The following ADGRE2 variants were observed in gnomAD, a reference collection of about 807,000 sequenced individuals.
ADGRE2 encodes the protein adhesion G protein-coupled receptor E2, also known as CD97 antigen.
In ADGRE2, 83 loss-of-function variants were observed where a neutral mutation model predicts 100.8. The ratio of observed to expected loss-of-function variants is 0.82; its 90% CI spans 0.69 to 0.99. ADGRE2 has a LOEUF of 0.99. Ranked by LOEUF, ADGRE2 falls within the 50% of genes least tolerant of loss-of-function variation. ADGRE2 has a pLI of 0.00. For synonymous variants in ADGRE2, 355 were observed against 413.0 expected (o/e 0.86, Z 1.70); for missense variants, 814 against 1,035.7 (o/e 0.79, Z 2.94).
At chr19:14,739,522 G>A (rs140466766) in intron 20 of ADGRE2, among the ~76,000 whole-genome samples, 3 of 152,194 alleles carry the variant, frequency 2.0e-5, no homozygotes, top group East Asian at 3.9e-4. Flanking sequence ...GGGGTGAAAG[G>A]GTGATAAATA....
chr19:14,773,098 A>AAAAAAAAAAAG (rs1568627146), intron 4 of ADGRE2, among the ~76,000 whole-genome samples: 8 of 84,128 alleles, frequency 9.5e-5, no homozygotes, highest in African/African-American at 2.8e-4. Context: ...AAAAAAAAAA[A>AAAAAAAAAAAG]CAAAAAAAAA....
intron 11 of ADGRE2, among the ~76,000 whole-genome samples, chr19:14,761,869 A>T (rs2043738216): frequency 6.6e-6 from 1 of 152,192 alleles, no homozygotes; most frequent in Non-Finnish European, 1.5e-5. Flanking sequence ...TGCCTCCTCA[A>T]GCCTGTCTAT....
rs1001001939 is a variant in ADGRE2 at position 14,732,671 on chromosome 19, T to A, written c.*3565A>T. On this transcript the variant is annotated 3_prime_UTR_variant, in exon 21 of 21. Coordinates refer to ENST00000315576, the MANE Select transcript of ADGRE2 (RefSeq NM_013447.4). Reference sequence around the variant, plus strand: ...AACAAATAAAAAGAAGAATGATATTTTGTGTCACATGACTGATATATGAAG... The same window carrying A: ...AACAAATAAAAAGAAGAATGATATTATGTGTCACATGACTGATATATGAAG... 6.6e-6 allele frequency: 1 copy of A among 152,222 alleles called. No individual in the cohort carries two copies. The highest frequency in any genetic ancestry group is 1.5e-5 in the Non-Finnish European group (1 of 68,038). 9.4% of individuals were successfully genotyped at this position (152,222 alleles called of 1,614,324 possible).
downstream of ADGRE2, among the ~76,000 whole-genome samples, chr19:14,727,740 A>G (rs2524359): frequency 0.33 from 49,948 of 151,680 alleles, 8,599 homozygotes; most frequent in Middle Eastern, 0.48. Flanking sequence ...GTGATTTACA[A>G]ACTTAAGAGT....
downstream of ADGRE2, among the ~76,000 whole-genome samples, chr19:14,728,367 C>T (rs1046043002): frequency 1.3e-5 from 2 of 152,188 alleles, no homozygotes; most frequent in Non-Finnish European, 2.9e-5. Context: ...GGTGTGATGA[C>T]AGTCTGTTTC....
intron 1 of ADGRE2, chr19:14,777,157 C>T (rs1442778104): frequency 3.1e-6 from 3 of 953,052 alleles, no homozygotes; most frequent in Admixed American, 6.2e-5. Context: ...GGCAGCCGGG[C>T]GGGGCGGTCT....
chr19:14,742,511 C>A (rs1444748380), intron 20 of ADGRE2, among the ~76,000 whole-genome samples: 2 of 152,190 alleles, frequency 1.3e-5, no homozygotes, highest in Admixed American at 6.5e-5. Flanking sequence ...GGATTACAGG[C>A]ATGAGCCACC....
chr19:14,765,631 T>C, intron 8 of ADGRE2, 27 bp downstream of exon 8: 1 of 1,614,210 alleles, frequency 6.2e-7, no homozygotes, highest in Non-Finnish European at 8.5e-7. Context: ...GTGCTGGGGG[T>C]GGGGAGCTTC....
Position 14,752,401 on chromosome 19 carries a change from A to T in ADGRE2, c.1716T>A (p.His572Gln). 6.2e-7 allele frequency: 1 copy of T among 1,614,154 alleles called. No homozygotes were observed. Among genetic ancestry groups the T allele is most frequent in the South Asian group, 1.1e-5 (1 of 91,082 alleles). ...KAIQNTSTSL[H>Q]LQLSLCLFLA... ...GGAAGAGGCAGAGCGAGAGCTGCAG[A>T]TGCAGTGAGGTGCTGGTGTTCTGGA... The change falls in exon 15 of 21, where the codon CAT becomes CAA. Residue 572 changes from histidine to glutamine, a missense_variant. Physicochemically the swap from His to Gln is conservative, Grantham distance 24. Around this residue, in one of 5 missense-constraint regions of ADGRE2, gnomAD observed 569 missense variants for 692.7 expected, o/e 0.82. Transcript: ENST00000315576.
At chr19:14,744,048 C>T (rs1191659852) in intron 18 of ADGRE2, among the ~76,000 whole-genome samples, 3 of 151,826 alleles carry the variant, frequency 2.0e-5, no homozygotes, top group East Asian at 3.9e-4. Flanking sequence ...GAGACCAGCC[C>T]GACCAACATG....
chr19:14,763,295 A>G (rs2043796661), intron 11 of ADGRE2, among the ~76,000 whole-genome samples: 1 of 152,172 alleles, frequency 6.6e-6, no homozygotes, highest in Non-Finnish European at 1.5e-5. Flanking sequence ...GTGAGCCGAG[A>G]TCACGTCACT....
chr19:14,726,225 T>C, the ADGRE2 span, among the ~76,000 whole-genome samples: 5 of 152,290 alleles, frequency 3.3e-5, no homozygotes, highest in African/African-American at 1.2e-4. Flanking sequence ...ACGTGGAGAA[T>C]GGTGTCCAAA....
intron 11 of ADGRE2, 54 bp from the exon 12 acceptor site, chr19:14,756,399 G>A: frequency 8.5e-7 from 1 of 1,178,772 alleles, no homozygotes; most frequent in Non-Finnish European, 1.3e-6. Flanking sequence ...CGTGCCTGCA[G>A]TGGTTGATAT....
downstream of ADGRE2, chr19:14,731,338 C>G (rs2042669750): frequency 1.3e-6 from 1 of 741,934 alleles, no homozygotes; most frequent in African/African-American, 1.8e-5. Flanking sequence ...TTTCAAACTT[C>G]CAGTTCCGTG....
chr19:14,770,756 T>C (rs1259677632), intron 5 of ADGRE2, among the ~76,000 whole-genome samples: 1 of 140,316 alleles, frequency 7.1e-6, no homozygotes, highest in East Asian at 2.4e-4. Context: ...CCTGGCTCAC[T>C]GCAACCTCTG....
At chr19:14,762,762 G>C (rs893338578) in intron 11 of ADGRE2, among the ~76,000 whole-genome samples, 9 of 151,966 alleles carry the variant, frequency 5.9e-5, no homozygotes, top group Non-Finnish European at 7.4e-5. Context: ...TCCTGCCTCA[G>C]CCTCTTGAGT....
intron 2 of ADGRE2, among the ~76,000 whole-genome samples, chr19:14,775,136 G>A (rs1490850037): frequency 6.7e-6 from 1 of 150,312 alleles, no homozygotes; most frequent in African/African-American, 2.5e-5. Context: ...TTGAGTGGCT[G>A]GGACTACAGG....
chr19:14,757,578 A>T (rs1214889321), intron 11 of ADGRE2, among the ~76,000 whole-genome samples: 1 of 152,234 alleles, frequency 6.6e-6, no homozygotes, highest in African/African-American at 2.4e-5. Context: ...ATTCTCAACA[A>T]GGGGTGCCAA....
Position 14,746,337 on chromosome 19 carries a change from C to A in ADGRE2, c.2092-14G>T. The A allele has an allele frequency of 6.9e-7, 1 of 1,449,974 alleles. No individual in the cohort carries two copies. The highest frequency in any genetic ancestry group is 9.6e-7 in the Non-Finnish European group (1 of 1,046,166). 89.8% of individuals were successfully genotyped at this position (1,449,974 alleles called of 1,614,324 possible). A position where few individuals can be genotyped will look rare whatever the true frequency, so the allele number is the denominator to read the frequency against. On this transcript the variant is annotated splice_polypyrimidine_tract_variant and intron_variant, in intron 17 of 20. Transcript: ENST00000315576. ...AACTAAATTCACCTTCAGAAAACCA[C>A]AGAAGATTTGTTGAATAGATTTTGA... is the stretch of plus-strand genomic sequence containing the variant.
Sources: allele counts gnomAD v4.1 joint callset (sites outside exome capture counted in the v4.1 genomes callset), GRCh38; gene constraint gnomAD v4.1.1; regional missense constraint gnomAD v4.1.1; transcripts MANE v1.5; gene names NCBI Gene and HGNC (gene_info 2026-07-23, HGNC 2026-07-21).